Variants in MARCHF6 observed in about 807,000 individuals in gnomAD.
The protein encoded by MARCHF6 is membrane associated ring-CH-type finger 6.
A neutral mutation model predicts 133.7 loss-of-function variants in MARCHF6; 31 were observed. That is an observed-to-expected ratio of 0.23 (90% CI 0.17 to 0.31). The LOEUF (loss-of-function observed/expected upper bound fraction) is 0.31, where lower values mean the gene tolerates loss of function less well. MARCHF6 is among the 10% of genes least tolerant of loss of function. The probability of loss-of-function intolerance (pLI) is 1.00; values close to 1 mark genes in which losing one functional copy is unlikely to be tolerated. For missense variants in MARCHF6, 723 were observed against 1,121.6 expected, an observed-to-expected ratio of 0.64 and a Z score of 5.08; for synonymous variants, 395 against 402.5, an observed-to-expected ratio of 0.98 and a Z score of 0.22.
rs142231808 is a variant in MARCHF6, at chr5:10,430,136, C to G, written c.2642+108C>G. The G allele has an allele frequency of 3.3e-3, 4,250 of 1,303,822 alleles. 7 individuals are homozygous for G. The highest frequency in any genetic ancestry group is 4.0e-3 in the Non-Finnish European group (3,832 of 948,850). 80.8% of individuals were successfully genotyped at this position (1,303,822 alleles called of 1,614,324 possible). ...GAAACATGCTCAGATTCTGGATATA[C>G]TTGGAGGTGGGATTAGCAAGGTTTG... On this transcript the variant is annotated intron_variant, in intron 25 of 25. Transcript: ENST00000274140.
chr5:10,416,688 A>G (rs1031207726), intron 21 of MARCHF6, among the ~76,000 whole-genome samples: 1 of 152,028 alleles, frequency 6.6e-6, no homozygotes, highest in East Asian at 1.9e-4. Flanking sequence ...TTTTTTGGTC[A>G]GAATTTCATC....
intron 5 of MARCHF6, among the ~76,000 whole-genome samples, chr5:10,388,465 A>G (rs990473223): frequency 6.6e-6 from 1 of 152,104 alleles, no homozygotes; most frequent in Non-Finnish European, 1.5e-5. Context: ...TCAGTTATCT[A>G]TTGCTGCAAA....
At chr5:10,414,644 G>A (rs1739405704) in intron 20 of MARCHF6, 142 bp downstream of exon 20, 13 of 623,148 alleles carry the variant, frequency 2.1e-5, no homozygotes, top group Non-Finnish European at 3.6e-5. Flanking sequence ...CTGGGCTCAA[G>A]CAATCCTTCC....
intron 25 of MARCHF6, among the ~76,000 whole-genome samples, chr5:10,431,435 C>T (rs983832281): frequency 1.3e-5 from 2 of 152,158 alleles, no homozygotes; most frequent in Non-Finnish European, 2.9e-5. Flanking sequence ...TCCCATTGAC[C>T]TCTTCTTTCT....
intron 25 of MARCHF6, 46 bp from the exon 26 acceptor site, chr5:10,433,548 C>T (rs563368659): frequency 1.5e-6 from 2 of 1,356,346 alleles, no homozygotes; most frequent in South Asian, 2.3e-5. Context: ...ATGTTTTACT[C>T]TGTACATTCA....
intron 5 of MARCHF6, 31 bp downstream of exon 5, chr5:10,387,097 C>G (rs762422860): frequency 6.6e-7 from 1 of 1,522,424 alleles, no homozygotes; most frequent in South Asian, 1.2e-5. Flanking sequence ...ACGAATGTTG[C>G]ATGATGTAGA....
intron 22 of MARCHF6, among the ~76,000 whole-genome samples, chr5:10,423,360 C>T (rs1019339189): frequency 4.6e-5 from 7 of 152,168 alleles, no homozygotes; most frequent in African/African-American, 9.7e-5. Flanking sequence ...CTTTGCTCCA[C>T]AGTCTTAATT....
At chr5:10,377,739 C>G in intron 1 of MARCHF6, 59 bp from the exon 2 acceptor site, 2 of 1,249,150 alleles carry the variant, frequency 1.6e-6, no homozygotes, top group East Asian at 2.3e-5. Flanking sequence ...ATGCTTGTTT[C>G]TTGCTTTTTT....
At chr5:10,399,811 C>A (rs1738418235) in intron 10 of MARCHF6, among the ~76,000 whole-genome samples, 1 of 152,170 alleles carries the variant, frequency 6.6e-6, no homozygotes, top group Non-Finnish European at 1.5e-5. Context: ...CTAGAGTACT[C>A]TTCTCTTTGC....
chr5:10,375,502 G>A (rs924750034), intron 1 of MARCHF6, among the ~76,000 whole-genome samples: 22 of 152,264 alleles, frequency 1.4e-4, no homozygotes, highest in African/African-American at 5.3e-4. Context: ...CTGCTCCACG[G>A]CGCCCAGTCC....
chr5:10,411,242 C>T, intron 18 of MARCHF6, 91 bp from the exon 19 acceptor site: 1 of 997,398 alleles, frequency 1.0e-6, no homozygotes, highest in Non-Finnish European at 1.6e-6. Flanking sequence ...ATTTTCTACC[C>T]TTAGTAGTAA....
intron 10 of MARCHF6, among the ~76,000 whole-genome samples, 192 bp downstream of exon 10, chr5:10,397,536 C>A (rs555599566): frequency 5.6e-4 from 85 of 152,044 alleles, no homozygotes; most frequent in African/African-American, 1.9e-3. Context: ...GCAGCAGTGA[C>A]TGCAGTTACC....
Position 10,353,952 on chromosome 5 carries a change from G to A in MARCHF6, c.19+35G>A, listed in dbSNP as rs570483356. ...CGACGCGCGGCGCCCGAGCCCTTGCGTCGGCGCCCGGGTTCGTACCCCGGC... is the reference window on the plus strand; with the variant it reads ...CGACGCGCGGCGCCCGAGCCCTTGCATCGGCGCCCGGGTTCGTACCCCGGC... On this transcript the variant is annotated intron_variant, in intron 1 of 25. Transcript: ENST00000274140. 26 of 1,534,440 alleles carry A rather than the reference G, an allele frequency of 1.7e-5. No individual in the cohort carries two copies. In the African/African-American group the frequency reaches 3.0e-4, roughly 17 times the overall value.
Position 10,417,582 on chromosome 5 carries a change from T to TA in MARCHF6, c.2283+184dup, listed in dbSNP as rs535802715. On this transcript the variant is annotated intron_variant, in intron 22 of 25. Coordinates refer to ENST00000274140, the MANE Select transcript of MARCHF6 (RefSeq NM_005885.4). ...GCAGCATGGCAAGACCTAGTCTCTA[T>TA]AAAAAATTGGCTCATGCGTCTGGTC... is the stretch of plus-strand genomic sequence containing the variant. The TA allele has an allele frequency of 1.4e-4, 98 of 715,060 alleles. No homozygotes were observed. The East Asian group carries it at 2.8e-3, about 20-fold the overall frequency. 44.3% of individuals were successfully genotyped at this position (715,060 alleles called of 1,614,324 possible). A position where few individuals can be genotyped will look rare whatever the true frequency, so the allele number is the denominator to read the frequency against.
chr5:10,426,975 C>T (rs1000369127), intron 24 of MARCHF6, among the ~76,000 whole-genome samples: 2 of 152,256 alleles, frequency 1.3e-5, no homozygotes, highest in Admixed American at 6.5e-5. Flanking sequence ...GAAGACTCCT[C>T]ATAGCTCCTT....
At chr5:10,374,979 A>C (rs1736683116) in intron 1 of MARCHF6, among the ~76,000 whole-genome samples, 1 of 152,140 alleles carries the variant, frequency 6.6e-6, no homozygotes, top group African/African-American at 2.4e-5. Flanking sequence ...AGAGATTTTG[A>C]GAGGTGACAG....
intron 19 of MARCHF6, among the ~76,000 whole-genome samples, chr5:10,411,823 A>G (rs1229566305): frequency 4.6e-5 from 7 of 152,242 alleles, no homozygotes; most frequent in Admixed American, 4.6e-4. Context: ...TGTGTCAGGA[A>G]CTAGAATGGG....
At chr5:10,369,603 ACCC>A (rs58947018) in intron 1 of MARCHF6, among the ~76,000 whole-genome samples, 2,832 of 26,494 alleles carry the variant, frequency 0.11, 171 homozygotes, top group African/African-American at 0.24. Context: ...TAGTTCCATT[ACCC>A]CCCCCCCCCC....
intron 5 of MARCHF6, among the ~76,000 whole-genome samples, chr5:10,388,000 T>G (rs1354410284): frequency 6.6e-6 from 1 of 152,220 alleles, no homozygotes. Context: ...CATACACATT[T>G]GAACTCAAAT....
Sources: allele counts gnomAD v4.1 joint callset (sites outside exome capture counted in the v4.1 genomes callset), GRCh38; gene constraint gnomAD v4.1.1; transcripts MANE v1.5; gene names NCBI Gene and HGNC (gene_info 2026-07-23, HGNC 2026-07-21).